The following NIM1K variants were observed in gnomAD, a reference collection of about 807,000 sequenced individuals.
NIM1K encodes the protein NIM1 serine/threonine protein kinase, also known as serine/threonine-protein kinase NIM1.
NIM1K carries 35 observed loss-of-function variants against 37.1 expected under a neutral mutation model. The observed-to-expected ratio is 0.94, with a 90% confidence interval of 0.72 to 1.25. The LOEUF (loss-of-function observed/expected upper bound fraction) is 1.25, where lower values mean the gene tolerates loss of function less well. Ranked by LOEUF, NIM1K falls within the 50% of genes most tolerant of loss-of-function variation. NIM1K has a pLI of 0.00. For synonymous variants in NIM1K, 234 were observed against 206.6 expected (o/e 1.13, Z -1.14); for missense variants, 564 against 548.0 (o/e 1.03, Z -0.29).
At chr5:43,273,796 G>C (rs1404792827) in intron 2 of NIM1K, among the ~76,000 whole-genome samples, 2 of 152,080 alleles carry the variant, frequency 1.3e-5, no homozygotes, top group African/African-American at 4.8e-5. Flanking sequence ...CAATTTAAGT[G>C]CCCTTACCCA....
intron 2 of NIM1K, among the ~76,000 whole-genome samples, chr5:43,266,658 C>T (rs2086135): frequency 0.12 from 18,920 of 152,244 alleles, 1,624 homozygotes; most frequent in South Asian, 0.24. Flanking sequence ...AACGCGGTAC[C>T]TCAGTTGGAA....
chr5:43,243,409 A>G (rs1452667642), intron 1 of NIM1K, among the ~76,000 whole-genome samples: 2 of 151,644 alleles, frequency 1.3e-5, no homozygotes, highest in Non-Finnish European at 2.9e-5. Flanking sequence ...TGGGTTTCAG[A>G]ATGTCATCTT....
chr5:43,214,893 CCTT>C (rs1012744214), intron 1 of NIM1K, among the ~76,000 whole-genome samples: 1 of 151,786 alleles, frequency 6.6e-6, no homozygotes, highest in Non-Finnish European at 1.5e-5. Flanking sequence ...CTTACACCCT[CCTT>C]ATCTTCACAC....
chr5:43,261,475 A>C (rs1753029569), intron 2 of NIM1K, among the ~76,000 whole-genome samples: 1 of 151,848 alleles, frequency 6.6e-6, no homozygotes, highest in African/African-American at 2.4e-5. Context: ...TTTCTTGTAA[A>C]TTTGTTTGAG....
At chr5:43,264,775 T>C (rs1439065401) in intron 2 of NIM1K, among the ~76,000 whole-genome samples, 1 of 152,178 alleles carries the variant, frequency 6.6e-6, no homozygotes, top group Non-Finnish European at 1.5e-5. Flanking sequence ...TTCCTTTCCA[T>C]GTTTAGTGCT....
At chr5:43,214,340 A>T (rs951167673) in intron 1 of NIM1K, among the ~76,000 whole-genome samples, 15 of 152,244 alleles carry the variant, frequency 9.9e-5, no homozygotes, top group South Asian at 8.3e-4. Flanking sequence ...ACCCAGAAGT[A>T]TACATGGTAA....
Position 43,192,274 on chromosome 5 carries a change from C to T in NIM1K, c.-832C>T, listed in dbSNP as rs1369533180. Reference sequence around the variant, plus strand: ...GTCAGGTCGGCCGCCCCTGACAGCTCCGGGAGCCTCAAGCGCGACAGCGGC... The same window carrying T: ...GTCAGGTCGGCCGCCCCTGACAGCTTCGGGAGCCTCAAGCGCGACAGCGGC... On this transcript the variant is annotated 5_prime_UTR_variant, in exon 1 of 4. Coordinates refer to ENST00000326035, the MANE Select transcript of NIM1K (RefSeq NM_153361.4). 1.3e-5 allele frequency: 2 copies of T among 152,578 alleles called. No individual in the cohort carries two copies. Among genetic ancestry groups the T allele is most frequent in the South Asian group, 2.1e-4 (1 of 4,840 alleles). The allele number at this position is 152,578 out of a possible 1,614,324, so 9.5% of individuals were successfully genotyped here.
chr5:43,229,190 G>A lies in NIM1K; in HGVS notation c.-694-15892G>A, dbSNP rs148352097. Among the ~76,000 whole-genome samples, 984 of 152,128 alleles carry A rather than the reference G, an allele frequency of 6.5e-3. 8 individuals carry two copies. The highest frequency in any genetic ancestry group is 0.023 in the African/African-American group (948 of 41,520). ...TGAGGCTGACCTGAGTTCAGGGCTA[G>A]CCTGGGCAACATGGCAAAACCCCGT... is the stretch of plus-strand genomic sequence containing the variant. On this transcript the variant is annotated intron_variant, in intron 1 of 3. Transcript: ENST00000326035.
intron 1 of NIM1K, among the ~76,000 whole-genome samples, chr5:43,211,844 T>C (rs1370196345): frequency 6.6e-6 from 1 of 151,652 alleles, no homozygotes; most frequent in Admixed American, 6.6e-5. Flanking sequence ...GAGAATAAAA[T>C]TGAGCTGGGA....
intron 1 of NIM1K, among the ~76,000 whole-genome samples, chr5:43,212,311 C>A (rs901182177): frequency 6.6e-6 from 1 of 152,142 alleles, no homozygotes; most frequent in African/African-American, 2.4e-5. Flanking sequence ...CTTCCCAACA[C>A]ATGGCAGAGG....
intron 3 of NIM1K, 69 bp from the exon 4 acceptor site, chr5:43,279,911 G>A (rs1753410425): frequency 7.2e-6 from 9 of 1,251,270 alleles, no homozygotes; most frequent in Non-Finnish European, 1.0e-5. Flanking sequence ...CTGTTTCAGA[G>A]CAACTGATAC....
intron 1 of NIM1K, among the ~76,000 whole-genome samples, chr5:43,240,023 A>T (rs1344583615): frequency 6.6e-6 from 1 of 152,010 alleles, no homozygotes; most frequent in African/African-American, 2.4e-5. Context: ...TACACCAACT[A>T]TGTAAGGTGG....
chr5:43,245,959 G>A lies in NIM1K; in HGVS notation c.184G>A (p.Val62Met). 6.2e-7 allele frequency: 1 copy of A among 1,614,180 alleles called. No individual in the cohort carries two copies. The highest frequency in any genetic ancestry group is 8.5e-7 in the Non-Finnish European group (1 of 1,180,026). Residue 62 changes from valine to methionine, a missense_variant, in exon 2 of 4, where the codon GTG (valine) becomes ATG (methionine). Transcript: ENST00000326035. ...GGACATGTCCCAGGATGAGAAGGTG[G>A]TGAGGGAGATCACGCTGGGGAAACG... ...TQDMSQDEKV[V>M]REITLGKRIG... is the part of the protein sequence containing the mutation.
chr5:43,228,636 C>G (rs577935410), intron 1 of NIM1K, among the ~76,000 whole-genome samples: 35 of 151,124 alleles, frequency 2.3e-4, no homozygotes, highest in African/African-American at 7.8e-4. Flanking sequence ...ACCAGCCTGG[C>G]CAACATGGCA....
Position 43,232,904 on chromosome 5 carries a change from C to T in NIM1K, c.-694-12178C>T, listed in dbSNP as rs779885857. 2.1e-5 allele frequency: 24 copies of T among 1,151,688 alleles called. No homozygotes were observed. The East Asian group carries it at 2.6e-4, about 12-fold the overall frequency. 71.3% of individuals were successfully genotyped at this position (1,151,688 alleles called of 1,614,324 possible). On this transcript the variant is annotated intron_variant, in intron 1 of 3. Coordinates refer to ENST00000326035, the MANE Select transcript of NIM1K (RefSeq NM_153361.4). ...TCTTCCTTGCCTGTGATGAGCTGCT[C>T]AGGGTGGAAGAGCTGGTTGTAGGTG...
chr5:43,213,517 G>A (rs757547751), intron 1 of NIM1K, among the ~76,000 whole-genome samples: 5 of 149,782 alleles, frequency 3.3e-5, no homozygotes, highest in African/African-American at 4.9e-5. Context: ...TTTTTGAGAC[G>A]GAGTCTCGCT....
intron 2 of NIM1K, 71 bp downstream of exon 2, chr5:43,246,138 C>A: frequency 7.1e-7 from 1 of 1,403,358 alleles, no homozygotes. Flanking sequence ...GTTAGGTGGC[C>A]AGGGCCAAGG....
At chr5:43,255,231 T>G (rs1752925051) in intron 2 of NIM1K, among the ~76,000 whole-genome samples, 1 of 152,218 alleles carries the variant, frequency 6.6e-6, no homozygotes, top group Non-Finnish European at 1.5e-5. Context: ...GAGCGCACAC[T>G]ATTATGATAA....
At chr5:43,263,739 C>A (rs1171288197) in intron 2 of NIM1K, among the ~76,000 whole-genome samples, 1 of 152,174 alleles carries the variant, frequency 6.6e-6, no homozygotes, top group East Asian at 1.9e-4. Context: ...ATCTTTCCTG[C>A]TTTCTCTTGT....
Sources: allele counts gnomAD v4.1 joint callset (sites outside exome capture counted in the v4.1 genomes callset), GRCh38; gene constraint gnomAD v4.1.1; transcripts MANE v1.5; gene names NCBI Gene and HGNC (gene_info 2026-07-23, HGNC 2026-07-21).